Variants in TASOR observed in about 807,000 individuals in gnomAD.
TASOR encodes transcription activation suppressor.
TASOR carries 53 observed loss-of-function variants against 178.6 expected under a neutral mutation model. That is an observed-to-expected ratio of 0.30 (90% CI 0.24 to 0.37). The LOEUF (loss-of-function observed/expected upper bound fraction) is 0.37, where lower values mean the gene tolerates loss of function less well. TASOR is among the 10% of genes least tolerant of loss of function. The pLI, the probability that TASOR is intolerant of heterozygous loss-of-function variation, is 1.00. For missense variants in TASOR, 1,815 were observed against 1,971.4 expected (o/e 0.92, Z 1.50); for synonymous variants, 713 against 696.2 (o/e 1.02, Z -0.38).
intron 11 of TASOR, among the ~76,000 whole-genome samples, chr3:56,651,673 C>T (rs1209328110): frequency 2.0e-5 from 3 of 149,496 alleles, no homozygotes; most frequent in African/African-American, 7.5e-5. Flanking sequence ...TATAGCACCT[C>T]AGCCTAGGCA....
intron 11 of TASOR, among the ~76,000 whole-genome samples, chr3:56,656,741 G>C (rs1378432898): frequency 6.6e-6 from 1 of 152,072 alleles, no homozygotes; most frequent in Non-Finnish European, 1.5e-5. Context: ...GCTGGGCGCA[G>C]TGGCTCACAC....
intron 14 of TASOR, among the ~76,000 whole-genome samples, chr3:56,646,287 A>G (rs2077236277): frequency 6.6e-6 from 1 of 152,112 alleles, no homozygotes; most frequent in Non-Finnish European, 1.5e-5. Flanking sequence ...CAGGTAGCAA[A>G]TATTTTAGGC....
rs1441168197 is a variant in TASOR at position 56,625,022 on chromosome 3, G to C, written c.4140-16C>G. The C allele has an allele frequency of 6.2e-7, 1 of 1,608,800 alleles. No homozygotes were observed. The highest frequency in any genetic ancestry group is 1.1e-5 in the South Asian group (1 of 90,294). Reference sequence around the variant, plus strand: ...AGCATTCAATCTGTGAAATTAAGCAGTTCAGTTTCTGGATCTGTACTTCTA... The same window carrying C: ...AGCATTCAATCTGTGAAATTAAGCACTTCAGTTTCTGGATCTGTACTTCTA... On this transcript the variant is annotated splice_polypyrimidine_tract_variant and intron_variant, in intron 21 of 23. Transcript: ENST00000683822.
intron 21 of TASOR, 150 bp from the exon 22 acceptor site, chr3:56,625,156 T>G (rs1216196989): frequency 4.0e-5 from 29 of 721,118 alleles, no homozygotes; most frequent in Middle Eastern, 4.0e-4. Flanking sequence ...GGGGTGTGCT[T>G]CTTTGGAAAG....
At position 56,682,783 on chromosome 3, in the gene TASOR, T is replaced by A. The variant is rs1158843492; in HGVS notation, c.224A>T (p.Gln75Leu). Residue 75 changes from glutamine (Q) to leucine (L), a missense_variant, in exon 1 of 24, where the codon CAG becomes CTG. Transcript: ENST00000683822. The stretch of plus-strand genomic sequence containing the variant: ...GGCCGCGCCCGCCTCAGAGGAGTCC[T>A]GAGGCTGCTCGTGGCTGAGGCTCTG... ...AAQSLSHEQP[Q>L]DSSEAGAAAL... 1 of 1,550,416 alleles carries A rather than the reference T, an allele frequency of 6.4e-7. No homozygotes were observed. The highest frequency in any genetic ancestry group is 1.4e-5 in the African/African-American group (1 of 72,974).
intron 11 of TASOR, 131 bp downstream of exon 11, chr3:56,660,600 A>G (rs963312301): frequency 2.1e-5 from 14 of 659,286 alleles, no homozygotes; most frequent in East Asian, 1.6e-4. Flanking sequence ...ACTGTTAACT[A>G]AACAGCAGCA....
Position 56,673,599 on chromosome 3 carries a change from T to C in TASOR, c.458A>G (p.Asn153Ser), listed in dbSNP as rs747454582. ...FNYRRACLVH[N>S]ELLEKEFTEK... Reference sequence around the variant, plus strand: ...ACATACCTCCTTTTCCAAAAGCTCATTGTGTACCAAGCAAGCACGTCTGTA... The same window carrying C: ...ACATACCTCCTTTTCCAAAAGCTCACTGTGTACCAAGCAAGCACGTCTGTA... The change falls in exon 2 of 24, where the codon AAT (asparagine) becomes AGT (serine). Residue 153 changes from asparagine to serine, a missense_variant. Around this residue, in one of 5 missense-constraint regions of TASOR, gnomAD observed 244 missense variants for 202.7 expected, o/e 1.20. Transcript: ENST00000683822. The C allele has an allele frequency of 2.6e-5, 40 of 1,549,764 alleles. No homozygotes were observed. Among genetic ancestry groups the C allele is most frequent in the South Asian group, 3.6e-5 (3 of 83,544 alleles).
At chr3:56,643,704 G>A (rs1203148297) in intron 14 of TASOR, among the ~76,000 whole-genome samples, 5 of 149,982 alleles carry the variant, frequency 3.3e-5, no homozygotes, top group Admixed American at 6.7e-5. Flanking sequence ...GCAGTGAGCC[G>A]AGATTGTGCC....
intron 17 of TASOR, 28 bp downstream of exon 17, chr3:56,638,678 G>C: frequency 6.2e-7 from 1 of 1,613,006 alleles, no homozygotes; most frequent in East Asian, 2.2e-5. Context: ...GGGCACACTG[G>C]GAAGAAAAGC....
chr3:56,677,607 T>C (rs2031423320), intron 1 of TASOR, among the ~76,000 whole-genome samples: 1 of 152,172 alleles, frequency 6.6e-6, no homozygotes. Flanking sequence ...GATGTGTGTG[T>C]GCATATGGGT....
chr3:56,628,662 A>T, intron 18 of TASOR, 48 bp from the exon 19 acceptor site: 1 of 1,293,926 alleles, frequency 7.7e-7, no homozygotes, highest in Non-Finnish European at 1.1e-6. Context: ...TTCTTTGTAA[A>T]CATCAATTTA....
chr3:56,657,819 C>T (rs2077505040), intron 11 of TASOR, among the ~76,000 whole-genome samples: 1 of 152,202 alleles, frequency 6.6e-6, no homozygotes, highest in African/African-American at 2.4e-5. Context: ...ATATTCATAA[C>T]ATTTCAAAGA....
chr3:56,659,202 C>T (rs551664995), intron 11 of TASOR, among the ~76,000 whole-genome samples: 3 of 152,306 alleles, frequency 2.0e-5, no homozygotes, highest in East Asian at 1.9e-4. Context: ...AGATATTTGA[C>T]TGCCATTCGA....
intron 11 of TASOR, among the ~76,000 whole-genome samples, chr3:56,655,148 A>T (rs138266703): frequency 6.6e-6 from 1 of 152,342 alleles, no homozygotes; most frequent in Non-Finnish European, 1.5e-5. Flanking sequence ...AAAGTTTAAA[A>T]CATAAAAAAC....
chr3:56,667,734 T>C (rs1363010853), intron 6 of TASOR, among the ~76,000 whole-genome samples: 1 of 152,000 alleles, frequency 6.6e-6, no homozygotes, highest in African/African-American at 2.4e-5. Context: ...CCAGGAGTTC[T>C]AGACCAGCCT....
At chr3:56,671,488 TTA>T (rs2030731199) in intron 3 of TASOR, 110 bp downstream of exon 3, 1 of 707,046 alleles carries the variant, frequency 1.4e-6, no homozygotes, top group Non-Finnish European at 2.3e-6. Context: ...TGTATTCCAC[TTA>T]TATATCAAAA....
intron 3 of TASOR, 84 bp from the exon 4 acceptor site, chr3:56,670,229 T>C: frequency 1.2e-6 from 1 of 828,252 alleles, no homozygotes; most frequent in Non-Finnish European, 1.8e-6. Flanking sequence ...TTGGTTTAAA[T>C]AAAAACAAAG....
At chr3:56,661,165 T>C (rs779881054) in intron 9 of TASOR, 148 bp from the exon 10 acceptor site, 18 of 617,192 alleles carry the variant, frequency 2.9e-5, no homozygotes, top group Non-Finnish European at 4.8e-5. Context: ...TTTGTTTCGT[T>C]TGTGACAGTC....
chr3:56,647,769 T>C (rs1430147671), intron 13 of TASOR, among the ~76,000 whole-genome samples: 1 of 152,238 alleles, frequency 6.6e-6, no homozygotes, highest in Non-Finnish European at 1.5e-5. Flanking sequence ...GAAAAGGTGG[T>C]TAACAAATCT....
Sources: gnomAD v4.1 joint callset for allele counts (sites outside exome capture counted in the v4.1 genomes callset) on GRCh38, gnomAD v4.1.1 for gene constraint, gnomAD v4.1.1 regional missense constraint, MANE v1.5 for transcripts, NCBI Gene and HGNC (gene_info 2026-07-23, HGNC 2026-07-21) for gene names.